FGF12: variants seen among roughly 807,000 people sequenced by gnomAD.
The protein encoded by FGF12 is fibroblast growth factor 12B.
Under a neutral mutation model 23.6 loss-of-function variants are expected in FGF12, and 14 were observed. The ratio of observed to expected loss-of-function variants is 0.59; its 90% confidence interval spans 0.39 to 0.93. The LOEUF is 0.93. Ranked by LOEUF, FGF12 falls within the 40% of genes least tolerant of loss-of-function variation. The pLI is 0.00. For missense variants in FGF12, 175 were observed against 217.8 expected (o/e 0.80, Z 1.24); for synonymous variants, 62 against 77.3 (o/e 0.80, Z 1.04).
At chr3:192,250,577 C>G (rs1167927873) in intron 4 of FGF12, among the ~76,000 whole-genome samples, 1 of 152,080 alleles carries the variant, frequency 6.6e-6, no homozygotes, top group Non-Finnish European at 1.5e-5. Flanking sequence ...ATCATACTCT[C>G]CCTATCTACC....
intron 2 of FGF12, among the ~76,000 whole-genome samples, chr3:192,619,827 G>A (rs1325910389): frequency 2.6e-5 from 4 of 152,078 alleles, no homozygotes; most frequent in Non-Finnish European, 5.9e-5. Context: ...TCTTCAATCA[G>A]GAAACCATCT....
At chr3:192,572,749 A>G (rs1712697381) in intron 2 of FGF12, among the ~76,000 whole-genome samples, 1 of 152,206 alleles carries the variant, frequency 6.6e-6, no homozygotes, top group East Asian at 1.9e-4. Flanking sequence ...GCACACAGTG[A>G]CCCATTCACA....
chr3:192,696,763 T>C (rs1718137287), intron 2 of FGF12, among the ~76,000 whole-genome samples: 2 of 152,090 alleles, frequency 1.3e-5, no homozygotes, highest in African/African-American at 4.8e-5. Context: ...ATGTGAATTC[T>C]AGCTCAGTAG....
chr3:192,709,202 A>C (rs563366897), intron 2 of FGF12, among the ~76,000 whole-genome samples: 8 of 152,326 alleles, frequency 5.3e-5, no homozygotes, highest in African/African-American at 1.7e-4. Context: ...GGCTGATTTG[A>C]AGTTCAATCA....
chr3:192,162,047 A>G (rs932610172), intron 5 of FGF12, among the ~76,000 whole-genome samples: 4 of 152,166 alleles, frequency 2.6e-5, no homozygotes, highest in Admixed American at 2.6e-4. Flanking sequence ...TCAAAGACAA[A>G]TGAAATATGA....
At chr3:192,516,826 GA>G (rs1296812648) in intron 2 of FGF12, 9 of 152,362 alleles carry the variant, frequency 5.9e-5, no homozygotes, top group Middle Eastern at 3.4e-3. Flanking sequence ...CATCACCGAA[GA>G]AGTTATGCAG....
At chr3:192,323,793 C>T (rs929333362) in intron 4 of FGF12, among the ~76,000 whole-genome samples, 1 of 152,014 alleles carries the variant, frequency 6.6e-6, no homozygotes, top group African/African-American at 2.4e-5. Context: ...TATGCCTGTA[C>T]TAAAATATCT....
chr3:192,528,880 C>T (rs1463137649), intron 2 of FGF12, among the ~76,000 whole-genome samples: 1 of 152,122 alleles, frequency 6.6e-6, no homozygotes, highest in Non-Finnish European at 1.5e-5. Flanking sequence ...GCACCAAGTT[C>T]CTAGGCTGCA....
chr3:192,164,856 A>T (rs939331755), intron 5 of FGF12, among the ~76,000 whole-genome samples: 1 of 152,148 alleles, frequency 6.6e-6, no homozygotes, highest in Non-Finnish European at 1.5e-5. Flanking sequence ...CTAATCTCTT[A>T]TGCTATCATT....
chr3:192,522,689 G>A (rs1724850389), intron 2 of FGF12, among the ~76,000 whole-genome samples: 1 of 152,200 alleles, frequency 6.6e-6, no homozygotes, highest in African/African-American at 2.4e-5. Flanking sequence ...TTTGATAGTA[G>A]TGATACTAAT....
intron 2 of FGF12, among the ~76,000 whole-genome samples, chr3:192,365,928 A>T (rs1297894066): frequency 6.6e-6 from 1 of 150,446 alleles, no homozygotes; most frequent in Non-Finnish European, 1.5e-5. Flanking sequence ...AATAGGATGA[A>T]TTTTAGACGT....
At chr3:192,319,581 A>G (rs529893740) in intron 4 of FGF12, among the ~76,000 whole-genome samples, 1 of 152,288 alleles carries the variant, frequency 6.6e-6, no homozygotes, top group Non-Finnish European at 1.5e-5. Flanking sequence ...TGGGTGACAG[A>G]GTAAGACTGT....
chr3:192,369,461 C>T (rs780283758), intron 2 of FGF12, among the ~76,000 whole-genome samples: 1 of 152,212 alleles, frequency 6.6e-6, no homozygotes, highest in Non-Finnish European at 1.5e-5. Context: ...AATCCTCAAT[C>T]TTCATATTGT....
chr3:192,166,310 C>A (rs1329047981), intron 5 of FGF12, among the ~76,000 whole-genome samples: 1 of 152,166 alleles, frequency 6.6e-6, no homozygotes, highest in African/African-American at 2.4e-5. Context: ...ATGTCAGTTA[C>A]AAGAGTGTGA....
At chr3:192,432,767 C>T (rs1255121400) in intron 2 of FGF12, among the ~76,000 whole-genome samples, 7 of 152,140 alleles carry the variant, frequency 4.6e-5, no homozygotes, top group South Asian at 2.1e-4. Context: ...ACCAACAGCA[C>T]GGCAAACACT....
In FGF12 at chr3:192,443,059, C is replaced by T. The variant is rs559769922; in HGVS notation, c.14-82521G>A. ...CCTGACCTCATGATCCACTTTGCCT[C>T]AACCTCCTAAAGTGCTGAGATTACA... is the stretch of plus-strand genomic sequence containing the variant. On this transcript the variant is annotated intron_variant, in intron 2 of 5. Transcript: ENST00000445105. Among the ~76,000 whole-genome samples the T allele has an allele frequency of 3.3e-5, 5 of 152,152 alleles. No homozygotes were observed. The South Asian group carries it at 6.2e-4, about 19-fold the overall frequency.
At chr3:192,181,629 G>GT (rs72218051) in intron 4 of FGF12, among the ~76,000 whole-genome samples, 5,370 of 127,376 alleles carry the variant, frequency 0.042, 266 homozygotes, top group African/African-American at 0.12. Flanking sequence ...GAAGTAATTT[G>GT]TTTTTTTTTT....
At chr3:192,455,828 A>G (rs1277294195) in intron 2 of FGF12, among the ~76,000 whole-genome samples, 1 of 152,220 alleles carries the variant, frequency 6.6e-6, no homozygotes, top group Non-Finnish European at 1.5e-5. Flanking sequence ...ACACGCCTCC[A>G]TGATACCAAA....
chr3:192,570,436 A>G (rs931772929), intron 2 of FGF12, among the ~76,000 whole-genome samples: 3 of 91,904 alleles, frequency 3.3e-5, no homozygotes, highest in African/African-American at 5.2e-5. Flanking sequence ...AAAGAGAAAA[A>G]AAGAGACAGG....
Sources: allele counts gnomAD v4.1 joint callset (sites outside exome capture counted in the v4.1 genomes callset), GRCh38; gene constraint gnomAD v4.1.1; transcripts MANE v1.5; gene names NCBI Gene and HGNC (gene_info 2026-07-23, HGNC 2026-07-21).